Variants in GLIPR2 observed in about 807,000 individuals in gnomAD.
The protein encoded by GLIPR2 is Golgi-associated plant pathogenesis-related protein 1.
A neutral mutation model predicts 20.4 loss-of-function variants in GLIPR2; 21 were observed. The ratio of observed to expected loss-of-function variants is 1.03; its 90% confidence interval spans 0.73 to 1.48. The LOEUF (loss-of-function observed/expected upper bound fraction) is 1.48, where lower values mean the gene tolerates loss of function less well. Among genes scored for constraint, GLIPR2 ranks in the 40% most tolerant of loss-of-function variants. The pLI is 0.00. For missense variants in GLIPR2, 205 were observed against 200.1 expected (o/e 1.02, Z -0.15); for synonymous variants, 91 against 80.5 (o/e 1.13, Z -0.70).
Position 36,147,796 on chromosome 9 carries a change from GT to G in GLIPR2, c.27del (p.His10IlefsTer5). 1 of 1,515,086 alleles carries G rather than the reference GT, an allele frequency of 6.6e-7. No homozygotes were observed. Among genetic ancestry groups the G allele is most frequent in the Non-Finnish European group, 9.2e-7 (1 of 1,089,624 alleles). The allele number at this position is 1,515,086 out of a possible 1,614,324, so 93.9% of individuals were successfully genotyped here. On this transcript the variant is annotated frameshift_variant, in exon 2 of 5. Coordinates refer to ENST00000377960, the MANE Select transcript of GLIPR2 (RefSeq NM_022343.4). LOFTEE classifies it high-confidence loss of function. MGKSASKQ[F>X]HNEVLKAHNE... ...TTGCAATCATTCCAGCTTCCAAACA[GT>G]TTCATAATGAGGTCCTGAAGGCCCA...
chr9:36,143,312 G>A (rs1825171112), intron 1 of GLIPR2, among the ~76,000 whole-genome samples: 1 of 152,090 alleles, frequency 6.6e-6, no homozygotes, highest in African/African-American at 2.4e-5. Flanking sequence ...GGCTCTTTCT[G>A]TGCTGTTGCC....
intron 1 of GLIPR2, among the ~76,000 whole-genome samples, chr9:36,143,177 G>A (rs1237895669): frequency 6.6e-6 from 1 of 152,136 alleles, no homozygotes; most frequent in Non-Finnish European, 1.5e-5. Context: ...AGCACTATGG[G>A]ATCCAGTGCA....
intron 1 of GLIPR2, among the ~76,000 whole-genome samples, chr9:36,140,826 C>G (rs987644559): frequency 1.3e-5 from 2 of 152,186 alleles, no homozygotes; most frequent in African/African-American, 4.8e-5. Flanking sequence ...CCCCCACCAT[C>G]CAAACACCCC....
intron 4 of GLIPR2, among the ~76,000 whole-genome samples, chr9:36,154,946 G>A (rs1825766955): frequency 6.6e-6 from 1 of 152,220 alleles, no homozygotes; most frequent in African/African-American, 2.4e-5. Context: ...GCAGGCTAGT[G>A]TGAGAAAGGA....
intron 4 of GLIPR2, among the ~76,000 whole-genome samples, chr9:36,155,268 T>C (rs1181528674): frequency 6.6e-6 from 1 of 152,234 alleles, no homozygotes; most frequent in African/African-American, 2.4e-5. Flanking sequence ...TCTGTCAATG[T>C]AGACAAAGAA....
At chr9:36,154,532 T>C (rs1281390576) in intron 4 of GLIPR2, among the ~76,000 whole-genome samples, 1 of 152,204 alleles carries the variant, frequency 6.6e-6, no homozygotes, top group Non-Finnish European at 1.5e-5. Context: ...GGATATACTG[T>C]GACATATTTG....
Position 36,136,832 on chromosome 9 carries a change from C to T in GLIPR2, c.13+41C>T. The T allele has an allele frequency of 7.9e-7, 1 of 1,272,900 alleles. No homozygotes were observed. The highest frequency in any genetic ancestry group is 9.9e-7 in the Non-Finnish European group (1 of 1,009,314). The allele number at this position is 1,272,900 out of a possible 1,614,324, so 78.9% of individuals were successfully genotyped here. A position where few individuals can be genotyped will look rare whatever the true frequency, so the allele number is the denominator to read the frequency against. On this transcript the variant is annotated intron_variant, in intron 1 of 4. Transcript: ENST00000377960. The surrounding 1 kb of genome is among the most constrained non-coding windows in gnomAD (Gnocchi z 4.3). ...CGCCCGCTGCGGAATGGTTCGGAAC[C>T]CCGCGCTCCCGGACCTCGCCGTCTC...
chr9:36,156,385 T>TAAAA (rs58467311), intron 4 of GLIPR2, among the ~76,000 whole-genome samples: 9 of 77,746 alleles, frequency 1.2e-4, no homozygotes, highest in Non-Finnish European at 1.7e-4. Flanking sequence ...AAGCCATGTC[T>TAAAA]AAAAAAAAAA....
intron 4 of GLIPR2, among the ~76,000 whole-genome samples, chr9:36,151,655 G>A (rs916013365): frequency 3.3e-5 from 5 of 152,162 alleles, no homozygotes; most frequent in Non-Finnish European, 5.9e-5. Flanking sequence ...GGTGACTCAA[G>A]TGCAGGGAGG....
chr9:36,137,888 C>G (rs1444738374), intron 1 of GLIPR2, among the ~76,000 whole-genome samples: 2 of 152,248 alleles, frequency 1.3e-5, no homozygotes, highest in Non-Finnish European at 2.9e-5. Flanking sequence ...AAGTGGCTTT[C>G]CCTGGCCTTG....
chr9:36,148,336 C>G (rs1419941475), intron 2 of GLIPR2, among the ~76,000 whole-genome samples: 1 of 152,144 alleles, frequency 6.6e-6, no homozygotes, highest in Non-Finnish European at 1.5e-5. Context: ...ACCACTCTCT[C>G]ACTCACCTGG....
Position 36,163,101 on chromosome 9 carries a change from G to A in GLIPR2, c.*579G>A, listed in dbSNP as rs1826132758. The A allele has an allele frequency of 6.7e-6, 2 of 299,766 alleles. No homozygotes were observed. Among genetic ancestry groups the A allele is most frequent in the Admixed American group, 9.8e-5 (2 of 20,394 alleles). The allele number at this position is 299,766 out of a possible 1,614,324, so 18.6% of individuals were successfully genotyped here. On this transcript the variant is annotated 3_prime_UTR_variant, in exon 5 of 5. Transcript: ENST00000377960. ...TGTAAAACATGATGTCATCCTGCAT[G>A]CCTCCTGGAATTCTCCAATGGGGTC...
At position 36,154,182 on chromosome 9, in the gene GLIPR2, C is replaced by A. The variant is rs189967442; in HGVS notation, c.304+3233C>A. Among the ~76,000 whole-genome samples, 170 of 151,386 alleles carry A rather than the reference C, an allele frequency of 1.1e-3. 1 individual carries two copies. The highest frequency in any genetic ancestry group is 3.9e-3 in the African/African-American group (162 of 41,204). ...CAATCTCGGCTCACTGCAACCTCCA[C>A]CTTCCAGGTTCACGCGATTCTCCCA... On this transcript the variant is annotated intron_variant, in intron 4 of 4. Transcript: ENST00000377960.
intron 4 of GLIPR2, among the ~76,000 whole-genome samples, chr9:36,152,556 C>T (rs1457573061): frequency 6.6e-6 from 1 of 151,684 alleles, no homozygotes; most frequent in Non-Finnish European, 1.5e-5. Context: ...TCAAGATTAG[C>T]CCGGCCAACA....
Position 36,136,997 on chromosome 9 carries a change from C to A in GLIPR2, c.13+206C>A. The stretch of plus-strand genomic sequence containing the variant: ...CCGAGGGAGGCCCCCGCCGGAGAGC[C>A]GGGGATCGCGCCAAGTTGGGCTTCC... On this transcript the variant is annotated intron_variant, in intron 1 of 4. Transcript: ENST00000377960. This position sits in a 1 kb window ranked among gnomAD's most constrained non-coding sequence, Gnocchi z 4.3. 4.0e-6 allele frequency: 2 copies of A among 501,288 alleles called. No homozygotes were observed. Among genetic ancestry groups the A allele is most frequent in the Admixed American group, 4.4e-5 (1 of 22,472 alleles). The allele number at this position is 501,288 out of a possible 1,614,324, so 31.1% of individuals were successfully genotyped here.
At chr9:36,142,450 A>G (rs1205915035) in intron 1 of GLIPR2, among the ~76,000 whole-genome samples, 1 of 152,186 alleles carries the variant, frequency 6.6e-6, no homozygotes, top group Admixed American at 6.5e-5. Flanking sequence ...AGGTCATGGC[A>G]GCTCCCACAG....
chr9:36,158,294 T>A (rs1825923524), intron 4 of GLIPR2, among the ~76,000 whole-genome samples: 1 of 152,226 alleles, frequency 6.6e-6, no homozygotes, highest in East Asian at 1.9e-4. Flanking sequence ...GCTGTGCCAT[T>A]TTACATTCCC....
intron 3 of GLIPR2, among the ~76,000 whole-genome samples, chr9:36,149,560 G>T (rs1186929094): frequency 2.0e-5 from 3 of 152,208 alleles, no homozygotes; most frequent in African/African-American, 7.2e-5. Flanking sequence ...AAGGGCATAG[G>T]TTCAGGAGAC....
chr9:36,148,734 C>T (rs960338464), intron 3 of GLIPR2, 84 bp downstream of exon 3: 48 of 867,758 alleles, frequency 5.5e-5, no homozygotes, highest in Non-Finnish European at 8.7e-5. Context: ...GGCCCCAGCA[C>T]CCTCGTGGTG....
Sources: allele counts gnomAD v4.1 joint callset (sites outside exome capture counted in the v4.1 genomes callset), GRCh38; gene constraint gnomAD v4.1.1; non-coding constraint Gnocchi (gnomAD v3.1); transcripts MANE v1.5; gene names NCBI Gene and HGNC (gene_info 2026-07-23, HGNC 2026-07-21).